TNRC6A: variants seen among roughly 807,000 people sequenced by gnomAD.
TNRC6A encodes trinucleotide repeat-containing gene 6A protein.
In TNRC6A, 44 loss-of-function variants were observed where a neutral mutation model predicts 221.2. The ratio of observed to expected loss-of-function variants is 0.20; its 90% CI spans 0.16 to 0.26. The LOEUF (loss-of-function observed/expected upper bound fraction) is 0.26, where lower values mean the gene tolerates loss of function less well. Ranked by LOEUF, TNRC6A falls within the 10% of genes least tolerant of loss-of-function variation. The pLI, the probability that TNRC6A is intolerant of heterozygous loss-of-function variation, is 1.00. For synonymous variants in TNRC6A, 847 were observed against 838.5 expected (o/e 1.01, Z -0.18); for missense variants, 2,199 against 2,404.4 (o/e 0.91, Z 1.79).
At chr16:24,620,577 G>A (rs1230257480) in intron 1 of TNRC6A, among the ~76,000 whole-genome samples, 2 of 152,280 alleles carry the variant, frequency 1.3e-5, no homozygotes, top group East Asian at 1.9e-4. Flanking sequence ...GGAGGCCGAC[G>A]CGGGCAGATT....
intron 17 of TNRC6A, among the ~76,000 whole-genome samples, chr16:24,808,910 A>T (rs1449509010): frequency 6.6e-6 from 1 of 152,234 alleles, no homozygotes; most frequent in Non-Finnish European, 1.5e-5. Flanking sequence ...CCAAGAGAAT[A>T]TCCAAGTCTG....
chr16:24,755,712 G>A (rs1295901729), intron 3 of TNRC6A, among the ~76,000 whole-genome samples: 2 of 152,236 alleles, frequency 1.3e-5, no homozygotes, highest in African/African-American at 4.8e-5. Flanking sequence ...GGCAAAGCAA[G>A]TGGAGTGCTG....
At chr16:24,793,771 T>G in intron 7 of TNRC6A, 122 bp downstream of exon 7, 1 of 857,758 alleles carries the variant, frequency 1.2e-6, no homozygotes, top group Non-Finnish European at 1.6e-6. Context: ...TGTAACATGA[T>G]AGATGATGTT....
intron 19 of TNRC6A, chr16:24,815,540 T>C: frequency 5.7e-6 from 3 of 525,374 alleles, no homozygotes; most frequent in East Asian, 3.4e-5. Flanking sequence ...GTGAGCCCCA[T>C]TGACCAGCAT....
At chr16:24,811,114 C>T (rs769311002) in intron 18 of TNRC6A, among the ~76,000 whole-genome samples, 2 of 152,254 alleles carry the variant, frequency 1.3e-5, no homozygotes, top group South Asian at 4.1e-4. Flanking sequence ...GCACTCTTAG[C>T]TGGCAGAGTA....
At chr16:24,626,649 C>CTTTTTTT (rs5816260) in intron 1 of TNRC6A, among the ~76,000 whole-genome samples, 2 of 126,936 alleles carry the variant, frequency 1.6e-5, no homozygotes, top group African/African-American at 2.9e-5. Context: ...GATACTATTT[C>CTTTTTTT]TTTTTTTTTT....
At chr16:24,729,876 G>T in intron 1 of TNRC6A, 30 bp downstream of exon 1, 1 of 1,263,894 alleles carries the variant, frequency 7.9e-7, no homozygotes. Context: ...CCCTCCGGGC[G>T]GGAGGAGCCG....
chr16:24,821,098 A>G (rs920867425), intron 22 of TNRC6A, among the ~76,000 whole-genome samples: 21 of 152,370 alleles, frequency 1.4e-4, no homozygotes, highest in African/African-American at 5.0e-4. Context: ...GAAAACTTGC[A>G]GCTTTTCCTT....
At chr16:24,810,433 C>T (rs1212857514) in intron 18 of TNRC6A, among the ~76,000 whole-genome samples, 2 of 152,046 alleles carry the variant, frequency 1.3e-5, no homozygotes, top group Non-Finnish European at 2.9e-5. Flanking sequence ...AGTATGTCAG[C>T]AGCTTTAGTA....
intron 2 of TNRC6A, among the ~76,000 whole-genome samples, chr16:24,699,547 A>G (rs1377145234): frequency 6.6e-6 from 1 of 151,934 alleles, no homozygotes; most frequent in Non-Finnish European, 1.5e-5. Context: ...GCAAGATCCC[A>G]TTTCTACAAA....
chr16:24,751,053 C>T (rs1191681903), intron 3 of TNRC6A, among the ~76,000 whole-genome samples: 3 of 152,092 alleles, frequency 2.0e-5, no homozygotes, highest in Non-Finnish European at 4.4e-5. Flanking sequence ...GGATCTTTAT[C>T]TTTCAAATAG....
intron 2 of TNRC6A, among the ~76,000 whole-genome samples, chr16:24,689,354 C>T (rs1228013201): frequency 2.0e-5 from 3 of 152,090 alleles, no homozygotes; most frequent in South Asian, 2.1e-4. Flanking sequence ...GATTTGAGAC[C>T]GGAGGCTTGG....
At chr16:24,646,766 C>T (rs1902313072) in intron 2 of TNRC6A, among the ~76,000 whole-genome samples, 1 of 152,108 alleles carries the variant, frequency 6.6e-6, no homozygotes, top group East Asian at 1.9e-4. Flanking sequence ...TAAATATACC[C>T]AGGCTATTAG....
intron 4 of TNRC6A, among the ~76,000 whole-genome samples, chr16:24,774,079 G>A (rs191267412): frequency 5.3e-5 from 8 of 152,124 alleles, no homozygotes; most frequent in East Asian, 1.9e-4. Context: ...TTCCATGTCC[G>A]TTGAATAGAT....
At chr16:24,743,981 G>A (rs1195820713) in intron 2 of TNRC6A, among the ~76,000 whole-genome samples, 2 of 152,152 alleles carry the variant, frequency 1.3e-5, no homozygotes, top group African/African-American at 2.4e-5. Flanking sequence ...GTCTTCAATC[G>A]AAGATCACAA....
Position 24,789,295 on chromosome 16 carries a change from C to T in TNRC6A, c.653C>T (p.Thr218Ile), listed in dbSNP as rs372835859. The T allele has an allele frequency of 6.2e-7, 1 of 1,613,898 alleles. No individual in the cohort carries two copies. The highest frequency in any genetic ancestry group is 8.5e-7 in the Non-Finnish European group (1 of 1,179,958). Residue 218 changes from threonine (T) to isoleucine (I), a missense_variant, in exon 6 of 25, where the codon ACA becomes ATA. By Grantham distance (89) the Thr-to-Ile change is moderately conservative. Around this residue, in one of 8 missense-constraint regions of TNRC6A, gnomAD observed 1,405 missense variants for 1,400.2 expected, o/e 1.00. Coordinates refer to ENST00000395799, the MANE Select transcript of TNRC6A (RefSeq NM_014494.4). ...TCCCAGCGGGGACCTGTGTCTTCTA[C>T]AAGTGATTCTAGCACAAACTGTAAG... is the stretch of plus-strand genomic sequence containing the variant. ...ENSQRGPVSS[T>I]SDSSTNCKNA...
chr16:24,720,121 T>C (rs1298849368), intron 2 of TNRC6A, among the ~76,000 whole-genome samples: 1 of 152,190 alleles, frequency 6.6e-6, no homozygotes, highest in African/African-American at 2.4e-5. Context: ...TATCAGGCTT[T>C]AAATCGAGAG....
In TNRC6A at chr16:24,804,282, A is replaced by G. The variant is rs1413768039; in HGVS notation, c.3800A>G (p.Lys1267Arg). The change falls in exon 12 of 25, where the codon AAA becomes AGA. Residue 1267 changes from lysine (K) to arginine (R), a missense_variant. Lys to Arg is a conservative substitution (Grantham distance 26, BLOSUM62 2). Coordinates refer to ENST00000395799, the MANE Select transcript of TNRC6A (RefSeq NM_014494.4). Reference sequence around the variant, plus strand: ...CCTGGTTCTCGGCCTCAGATTTCCAAAGAGTCTTCCATGGAGCGCAATCCT... The same window carrying G: ...CCTGGTTCTCGGCCTCAGATTTCCAGAGAGTCTTCCATGGAGCGCAATCCT... The part of the protein sequence containing the change: ...KGPGSRPQIS[K>R]ESSMERNPYF... 3 of 1,613,426 alleles carry G rather than the reference A, an allele frequency of 1.9e-6. No individual in the cohort carries two copies. The highest frequency in any genetic ancestry group is 2.7e-5 in the African/African-American group (2 of 74,884).
At chr16:24,759,233 G>T (rs184973779) in intron 4 of TNRC6A, among the ~76,000 whole-genome samples, 1 of 152,122 alleles carries the variant, frequency 6.6e-6, no homozygotes, top group Non-Finnish European at 1.5e-5. Flanking sequence ...TAAATATTCA[G>T]TGATAAGTGG....
Sources: gnomAD v4.1 joint callset for allele counts (sites outside exome capture counted in the v4.1 genomes callset) on GRCh38, gnomAD v4.1.1 for gene constraint, gnomAD v4.1.1 regional missense constraint, MANE v1.5 for transcripts, NCBI Gene and HGNC (gene_info 2026-07-23, HGNC 2026-07-21) for gene names.